TTC23: variants seen among roughly 807,000 people sequenced by gnomAD.
The protein encoded by TTC23 is tetratricopeptide repeat domain 23.
A neutral mutation model predicts 55.1 loss-of-function variants in TTC23; 58 were observed. The observed-to-expected ratio is 1.05, with a 90% confidence interval of 0.85 to 1.31. TTC23 has a LOEUF of 1.31. TTC23 is among the 50% of genes most tolerant of loss of function. TTC23 has a pLI of 0.00. For missense variants in TTC23, 516 were observed against 534.4 expected (o/e 0.97, Z 0.34); for synonymous variants, 203 against 199.9 (o/e 1.02, Z -0.13).
intron 11 of TTC23, chr15:99,161,055 A>T (rs990614047): frequency 2.0e-5 from 3 of 151,678 alleles, no homozygotes; most frequent in Admixed American, 6.6e-5. Flanking sequence ...AGTGAAAAGT[A>T]AACAGGACTT....
chr15:99,214,585 T>C (rs966005892), intron 8 of TTC23, among the ~76,000 whole-genome samples: 8 of 149,584 alleles, frequency 5.3e-5, no homozygotes, highest in Non-Finnish European at 1.0e-4. Flanking sequence ...ACCACCACAC[T>C]TGGATAAATT....
chr15:99,244,405 CA>C (rs1323788392), intron 2 of TTC23, among the ~76,000 whole-genome samples: 1 of 152,036 alleles, frequency 6.6e-6, no homozygotes, highest in Non-Finnish European at 1.5e-5. Context: ...AATAAATAAA[CA>C]AATAAATCGC....
intron 9 of TTC23, among the ~76,000 whole-genome samples, chr15:99,192,166 C>A (rs2075299097): frequency 6.6e-6 from 1 of 152,098 alleles, no homozygotes; most frequent in South Asian, 2.1e-4. Context: ...GCAAAGACAG[C>A]AAAAATGTTT....
chr15:99,150,410 A>G (rs182375034), intron 12 of TTC23, among the ~76,000 whole-genome samples: 7 of 152,328 alleles, frequency 4.6e-5, no homozygotes, highest in African/African-American at 1.7e-4. Context: ...GGCTCAAAAA[A>G]TTTTCTGCAA....
At chr15:99,168,813 C>T (rs73482328) in intron 10 of TTC23, among the ~76,000 whole-genome samples, 5,193 of 152,258 alleles carry the variant, frequency 0.034, 317 homozygotes, top group African/African-American at 0.12. Flanking sequence ...CCCCTGCAGC[C>T]CCTACCTGCC....
chr15:99,182,623 CTT>C (rs777647284), intron 9 of TTC23, among the ~76,000 whole-genome samples: 21 of 151,776 alleles, frequency 1.4e-4, no homozygotes, highest in African/African-American at 4.4e-4. Context: ...CACTTTCTTC[CTT>C]TCTCTTTTTT....
chr15:99,214,908 T>A (rs1421460080), intron 8 of TTC23, among the ~76,000 whole-genome samples: 1 of 130,010 alleles, frequency 7.7e-6, no homozygotes, highest in African/African-American at 2.9e-5. Context: ...CAGGCTGGAG[T>A]GCAATGGCGC....
At chr15:99,191,580 G>T (rs1289913944) in intron 9 of TTC23, among the ~76,000 whole-genome samples, 3 of 152,170 alleles carry the variant, frequency 2.0e-5, no homozygotes, top group African/African-American at 7.2e-5. Flanking sequence ...TGCCATCCAT[G>T]TAAGACATGA....
chr15:99,187,464 A>AAC (rs61635666), intron 9 of TTC23, among the ~76,000 whole-genome samples: 4,245 of 145,234 alleles, frequency 0.029, 482 homozygotes, highest in African/African-American at 0.1. Flanking sequence ...AAAAAAAAAA[A>AAC]AAAACAAAAC....
chr15:99,152,877 A>C (rs966898531), intron 12 of TTC23, among the ~76,000 whole-genome samples: 1 of 152,042 alleles, frequency 6.6e-6, no homozygotes, highest in Non-Finnish European at 1.5e-5. Context: ...AGCTCTCTAC[A>C]ACCTCTGCCT....
chr15:99,213,192 C>A (rs2077184618), intron 8 of TTC23, among the ~76,000 whole-genome samples: 1 of 152,032 alleles, frequency 6.6e-6, no homozygotes, highest in Non-Finnish European at 1.5e-5. Flanking sequence ...GGAAATGAAG[C>A]AAAGTAATTG....
At chr15:99,196,766 T>A (rs2075752261) in intron 9 of TTC23, among the ~76,000 whole-genome samples, 1 of 152,068 alleles carries the variant, frequency 6.6e-6, no homozygotes, top group South Asian at 2.1e-4. Flanking sequence ...TACCACAGAG[T>A]GGTCCCTCCA....
chr15:99,225,493 G>T (rs1379628849), intron 5 of TTC23, among the ~76,000 whole-genome samples: 1 of 152,188 alleles, frequency 6.6e-6, no homozygotes, highest in Non-Finnish European at 1.5e-5. Flanking sequence ...ATGCATTGAG[G>T]ACTCAGGAGC....
chr15:99,240,191 A>G lies in TTC23; in HGVS notation c.-114+1174T>C, dbSNP rs1195312185. ...GTGGGAGGCAGAAAAGAAAGTTTAA[A>G]GATGAAATAAGTAAGAGGCCCTGCA... On this transcript the variant is annotated intron_variant, in intron 3 of 13. Transcript: ENST00000394132. Among the ~76,000 whole-genome samples the G allele has an allele frequency of 3.3e-5, 5 of 152,252 alleles. No individual in the cohort carries two copies. The East Asian group carries it at 9.6e-4, about 29-fold the overall frequency.
At chr15:99,208,267 C>T (rs1020596218) in intron 8 of TTC23, among the ~76,000 whole-genome samples, 1 of 151,870 alleles carries the variant, frequency 6.6e-6, no homozygotes. Context: ...TATATACACA[C>T]ATATATATAT....
chr15:99,224,019 G>A (rs1408486971), intron 5 of TTC23, among the ~76,000 whole-genome samples: 1 of 152,102 alleles, frequency 6.6e-6, no homozygotes, highest in Non-Finnish European at 1.5e-5. Context: ...AAGCTCAAAG[G>A]GCTTGCATTT....
intron 12 of TTC23, among the ~76,000 whole-genome samples, chr15:99,146,933 G>C (rs1351039603): frequency 6.6e-6 from 1 of 152,154 alleles, no homozygotes; most frequent in Non-Finnish European, 1.5e-5. Flanking sequence ...CTTGTTTTTT[G>C]AGACGGAGTC....
chr15:99,187,365 A>C (rs2074769297), intron 9 of TTC23, among the ~76,000 whole-genome samples: 1 of 151,004 alleles, frequency 6.6e-6, no homozygotes, highest in African/African-American at 2.4e-5. Flanking sequence ...TAAAAATTAT[A>C]AAAACTCTTA....
rs148365373 is a variant in TTC23 at position 99,221,293 on chromosome 15, G to C, written c.304+448C>G. On this transcript the variant is annotated intron_variant, in intron 6 of 13. Transcript: ENST00000394132. ...GCTAAGTCTAAAAATTTTTTCCCTT[G>C]AATTTTTAAGTTGTATGAGCCAAAA... Among the ~76,000 whole-genome samples the C allele has an allele frequency of 5.6e-3, 851 of 152,206 alleles. 1 individual carries two copies. Among genetic ancestry groups the C allele is most frequent in the Non-Finnish European group, 9.2e-3 (629 of 68,000 alleles).
Sources: gnomAD v4.1 joint callset for allele counts (sites outside exome capture counted in the v4.1 genomes callset) on GRCh38, gnomAD v4.1.1 for gene constraint, MANE v1.5 for transcripts, NCBI Gene and HGNC (gene_info 2026-07-23, HGNC 2026-07-21) for gene names.